PGM2L1: variants seen among roughly 807,000 people sequenced by gnomAD.
PGM2L1 encodes glucose 1,6-bisphosphate synthase.
A neutral mutation model predicts 73.4 loss-of-function variants in PGM2L1; 35 were observed. The observed-to-expected ratio is 0.48, with a 90% CI of 0.36 to 0.63. The LOEUF (loss-of-function observed/expected upper bound fraction) is 0.63. PGM2L1 is among the 30% of genes least tolerant of loss of function. The pLI is 0.00. For synonymous variants in PGM2L1, 225 were observed against 253.8 expected (o/e 0.89, Z 1.08); for missense variants, 570 against 742.0 (o/e 0.77, Z 2.69).
At chr11:74,352,829 T>C (rs1862378511) in intron 5 of PGM2L1, among the ~76,000 whole-genome samples, 1 of 152,198 alleles carries the variant, frequency 6.6e-6, no homozygotes, top group South Asian at 2.1e-4. Flanking sequence ...ACTGATATTG[T>C]GGTTACCTGG....
chr11:74,351,461 G>A lies in PGM2L1; in HGVS notation c.671C>T (p.Thr224Ile). The change falls in exon 6 of 14, where the codon ACC becomes ATC. Residue 224 changes from threonine to isoleucine, a missense_variant. Transcript: ENST00000298198. ...NGSWNDNLVD[T>I]SPLKRDPLQD... ...CAGAGGGTCTCTCTTCAGCGGGCTG[G>A]TATCCACTAAATTATCATTCCAGGA... The A allele has an allele frequency of 1.9e-6, 3 of 1,614,014 alleles. No homozygotes were observed. Among genetic ancestry groups the A allele is most frequent in the African/African-American group, 1.3e-5 (1 of 75,016 alleles).
intron 4 of PGM2L1, among the ~76,000 whole-genome samples, chr11:74,369,731 C>A (rs1031735830): frequency 1.3e-5 from 2 of 152,126 alleles, no homozygotes; most frequent in Non-Finnish European, 2.9e-5. Flanking sequence ...CTCTGTTTAT[C>A]TCCTGATAAG....
rs1862095841 is a variant in PGM2L1 at position 74,336,412 on chromosome 11, T to TA, written c.*239dup. The TA allele has an allele frequency of 3.4e-6, 1 of 293,200 alleles. No homozygotes were observed. The highest frequency in any genetic ancestry group is 2.2e-5 in the African/African-American group (1 of 45,756). 18.2% of individuals were successfully genotyped at this position (293,200 alleles called of 1,614,324 possible). ...GGACAATACGTTACTATAATACTTT[T>TA]AGTGTAATAACTTTTGTTTGAATTA... On this transcript the variant is annotated 3_prime_UTR_variant, in exon 14 of 14. Coordinates refer to ENST00000298198, the MANE Select transcript of PGM2L1 (RefSeq NM_173582.6).
intron 13 of PGM2L1, 85 bp from the exon 14 acceptor site, chr11:74,336,839 C>A: frequency 2.4e-6 from 2 of 829,820 alleles, no homozygotes; most frequent in Admixed American, 3.1e-5. Context: ...TTAAGAGGTC[C>A]TGATGGAGTC....
chr11:74,390,920 A>T (rs1316200994), intron 1 of PGM2L1, among the ~76,000 whole-genome samples: 1 of 152,210 alleles, frequency 6.6e-6, no homozygotes, highest in Non-Finnish European at 1.5e-5. Context: ...ATAGAAACAG[A>T]AAGCAGAATG....
chr11:74,388,780 G>A (rs911744923), intron 1 of PGM2L1, among the ~76,000 whole-genome samples: 1 of 152,114 alleles, frequency 6.6e-6, no homozygotes, highest in Non-Finnish European at 1.5e-5. Flanking sequence ...GAGGATTGGT[G>A]ACACTATCTC....
At chr11:74,380,177 T>G (rs1434022003) in intron 1 of PGM2L1, among the ~76,000 whole-genome samples, 1 of 152,210 alleles carries the variant, frequency 6.6e-6, no homozygotes, top group Non-Finnish European at 1.5e-5. Context: ...AATTTTAAAG[T>G]TTATTTCTAA....
chr11:74,352,853 T>A (rs546586794), intron 5 of PGM2L1, among the ~76,000 whole-genome samples: 14 of 152,310 alleles, frequency 9.2e-5, no homozygotes, highest in African/African-American at 2.9e-4. Flanking sequence ...TTGAGAACTG[T>A]CCATTTATCT....
intron 3 of PGM2L1, 152 bp from the exon 4 acceptor site, chr11:74,371,138 C>A: frequency 2.2e-6 from 1 of 455,318 alleles, no homozygotes; most frequent in South Asian, 6.7e-5. Context: ...AACTTCATGC[C>A]CTAATTGGAA....
chr11:74,395,596 G>T (rs1223397157), intron 1 of PGM2L1, among the ~76,000 whole-genome samples: 1 of 96,430 alleles, frequency 1.0e-5, no homozygotes, highest in East Asian at 2.5e-4. Context: ...TAGTAGGGAC[G>T]GGGTTTCACT....
intron 6 of PGM2L1, 27 bp from the exon 7 acceptor site, chr11:74,347,364 A>G (rs775673918): frequency 1.3e-6 from 2 of 1,516,292 alleles, no homozygotes; most frequent in Non-Finnish European, 1.8e-6. Context: ...ACATAAGATC[A>G]TGATTACAAA....
intron 5 of PGM2L1, among the ~76,000 whole-genome samples, chr11:74,366,033 T>TA (rs1321524622): frequency 6.6e-6 from 1 of 151,950 alleles, no homozygotes; most frequent in African/African-American, 2.4e-5. Flanking sequence ...TATGCAGCCA[T>TA]AAAAAAGGAT....
In PGM2L1 at chr11:74,346,732, T is replaced by C. The variant is rs1428423343; in HGVS notation, c.1037A>G (p.Asn346Ser). The change falls in exon 8 of 14, where the codon AAT (asparagine) becomes AGT (serine). Residue 346 changes from asparagine (N) to serine (S), a missense_variant and splice_region_variant. Transcript: ENST00000298198. ...DRLAAAELQE[N>S]GCWKVFTGNE... ...TAATCAAATAACAGATTCTACATAC[T>C]TCTCCTGAAGTTCTGCTGCTGCCAG... 6.2e-7 allele frequency: 1 copy of C among 1,611,066 alleles called. No individual in the cohort carries two copies. The highest frequency in any genetic ancestry group is 8.5e-7 in the Non-Finnish European group (1 of 1,177,358).
intron 1 of PGM2L1, among the ~76,000 whole-genome samples, chr11:74,383,059 A>G (rs1862969584): frequency 1.3e-5 from 2 of 152,224 alleles, no homozygotes; most frequent in Non-Finnish European, 2.9e-5. Context: ...TTCTACTTCT[A>G]GAAATTTATC....
chr11:74,378,172 T>C (rs1462019318), intron 1 of PGM2L1, among the ~76,000 whole-genome samples: 1 of 151,984 alleles, frequency 6.6e-6, no homozygotes, highest in African/African-American at 2.4e-5. Flanking sequence ...CATGGTAGCA[T>C]GTGCCTGTAG....
chr11:74,358,410 A>C (rs1181062800), intron 5 of PGM2L1, among the ~76,000 whole-genome samples: 3 of 152,356 alleles, frequency 2.0e-5, no homozygotes, highest in Non-Finnish European at 4.4e-5. Flanking sequence ...CTCACTCATA[A>C]GACAGGTACA....
At chr11:74,338,308 GT>G (rs1338697148) in intron 13 of PGM2L1, among the ~76,000 whole-genome samples, 159 bp downstream of exon 13, 1 of 152,204 alleles carries the variant, frequency 6.6e-6, no homozygotes, top group Non-Finnish European at 1.5e-5. Context: ...GCTTTTGGGG[GT>G]GATGAAAATG....
rs1862072263 is a variant in PGM2L1, at chr11:74,334,988, T to G, written c.*1664A>C. On this transcript the variant is annotated 3_prime_UTR_variant, in exon 14 of 14. Coordinates refer to ENST00000298198, the MANE Select transcript of PGM2L1 (RefSeq NM_173582.6). ...GCAGTGTGATCATAGTTCTGTAACT[T>G]AAACTCCTGGCCTCAAGCAATCCTC... The G allele has an allele frequency of 6.6e-6, 1 of 151,540 alleles. No homozygotes were observed. Among genetic ancestry groups the G allele is most frequent in the African/African-American group, 2.4e-5 (1 of 41,280 alleles). The allele number at this position is 151,540 out of a possible 1,614,324, so 9.4% of individuals were successfully genotyped here.
Position 74,333,898 on chromosome 11 carries a change from G to T in PGM2L1, c.*2754C>A, listed in dbSNP as rs1289459567. 1 of 152,092 alleles carries T rather than the reference G, an allele frequency of 6.6e-6. No homozygotes were observed. Among genetic ancestry groups the T allele is most frequent in the Non-Finnish European group, 1.5e-5 (1 of 68,006 alleles). 9.4% of individuals were successfully genotyped at this position (152,092 alleles called of 1,614,324 possible). ...AGAATGCAATCATTTTCACAATATT[G>T]TTCAAAAAGAAAAAGATAAACATTG... On this transcript the variant is annotated 3_prime_UTR_variant, in exon 14 of 14. Transcript: ENST00000298198.
Sources: allele counts gnomAD v4.1 joint callset (sites outside exome capture counted in the v4.1 genomes callset), GRCh38; gene constraint gnomAD v4.1.1; transcripts MANE v1.5; gene names NCBI Gene and HGNC (gene_info 2026-07-23, HGNC 2026-07-21).